Variants in UNC5D observed in about 807,000 individuals in gnomAD.
The protein encoded by UNC5D is netrin receptor UNC5D.
In UNC5D, 39 loss-of-function variants were observed where a neutral mutation model predicts 105.4. That is an observed-to-expected ratio of 0.37 (90% CI 0.29 to 0.48). The LOEUF (loss-of-function observed/expected upper bound fraction) is 0.48, where lower values mean the gene tolerates loss of function less well. Ranked by LOEUF, UNC5D falls within the 20% of genes least tolerant of loss-of-function variation. The pLI, the probability that UNC5D is intolerant of heterozygous loss-of-function variation, is 0.98. For synonymous variants in UNC5D, 452 were observed against 450.4 expected, an observed-to-expected ratio of 1.00 and a Z score of -0.04; for missense variants, 991 against 1,202.4, an observed-to-expected ratio of 0.82 and a Z score of 2.60.
intron 1 of UNC5D, among the ~76,000 whole-genome samples, chr8:35,368,753 C>T (rs1030750422): frequency 7.9e-5 from 12 of 152,114 alleles, no homozygotes; most frequent in African/African-American, 2.6e-4. Flanking sequence ...GAAGAGGTCA[C>T]GTGGGTGGTA....
chr8:35,639,108 A>T (rs751724749), intron 4 of UNC5D, among the ~76,000 whole-genome samples: 10 of 152,206 alleles, frequency 6.6e-5, no homozygotes, highest in Non-Finnish European at 1.3e-4. Flanking sequence ...TTGTTCGGAT[A>T]TGATTGGATT....
chr8:35,466,357 CT>C (rs1003330444), intron 1 of UNC5D, among the ~76,000 whole-genome samples: 3 of 152,036 alleles, frequency 2.0e-5, no homozygotes, highest in Admixed American at 6.5e-5. Flanking sequence ...CACTTTTTTT[CT>C]TATTAGATAC....
intron 1 of UNC5D, among the ~76,000 whole-genome samples, chr8:35,528,588 T>C: frequency 2.1e-5 from 3 of 145,598 alleles, no homozygotes; most frequent in Admixed American, 7.0e-5. Flanking sequence ...GGTCAAATGG[T>C]ATTTCTAGTT....
intron 1 of UNC5D, among the ~76,000 whole-genome samples, chr8:35,417,635 A>G (rs1246146761): frequency 9.2e-5 from 14 of 152,126 alleles, no homozygotes; most frequent in Non-Finnish European, 1.9e-4. Flanking sequence ...TTTTTTAATG[A>G]CACAAGTCTA....
At chr8:35,339,410 G>A (rs903440622) in intron 1 of UNC5D, among the ~76,000 whole-genome samples, 1 of 152,108 alleles carries the variant, frequency 6.6e-6, no homozygotes, top group Admixed American at 6.5e-5. Flanking sequence ...AAATGTAGTG[G>A]GACTCATTTA....
At chr8:35,330,877 A>G (rs1810571181) in intron 1 of UNC5D, among the ~76,000 whole-genome samples, 1 of 152,178 alleles carries the variant, frequency 6.6e-6, no homozygotes, top group African/African-American at 2.4e-5. Context: ...GGGTTTAAAA[A>G]TGATTGTATA....
At chr8:35,318,962 T>G (rs1234500884) in intron 1 of UNC5D, among the ~76,000 whole-genome samples, 1 of 152,136 alleles carries the variant, frequency 6.6e-6, no homozygotes, top group Non-Finnish European at 1.5e-5. Context: ...TCTGTCTGAA[T>G]GCATAAAATC....
chr8:35,370,061 G>A (rs973982955), intron 1 of UNC5D, among the ~76,000 whole-genome samples: 19 of 152,216 alleles, frequency 1.2e-4, no homozygotes, highest in African/African-American at 4.6e-4. Context: ...GTTGGTGATA[G>A]ACTTTTTATG....
At chr8:35,670,518 C>T (rs1394318603) in intron 4 of UNC5D, among the ~76,000 whole-genome samples, 1 of 152,104 alleles carries the variant, frequency 6.6e-6, no homozygotes, top group Non-Finnish European at 1.5e-5. Flanking sequence ...CCATGCAATG[C>T]CATGCAGCCA....
At chr8:35,611,875 A>C (rs1054691310) in intron 4 of UNC5D, among the ~76,000 whole-genome samples, 4 of 152,244 alleles carry the variant, frequency 2.6e-5, no homozygotes, top group African/African-American at 9.6e-5. Context: ...AATTATGTCC[A>C]ATGAAAATCC....
intron 1 of UNC5D, among the ~76,000 whole-genome samples, chr8:35,244,863 A>G (rs1360885706): frequency 6.6e-6 from 1 of 151,126 alleles, no homozygotes; most frequent in East Asian, 1.9e-4. Context: ...TTTTTTTTTT[A>G]AAGTTAGCTG....
chr8:35,539,520 A>C (rs1171493982), intron 1 of UNC5D, among the ~76,000 whole-genome samples: 1 of 152,186 alleles, frequency 6.6e-6, no homozygotes, highest in East Asian at 1.9e-4. Context: ...TGATGAAAAA[A>C]TGCTGTTCTG....
intron 1 of UNC5D, among the ~76,000 whole-genome samples, chr8:35,404,887 G>A (rs1040637083): frequency 1.3e-5 from 2 of 152,084 alleles, no homozygotes; most frequent in East Asian, 3.9e-4. Flanking sequence ...ACCGCGCCTG[G>A]GTCCCATGTG....
At chr8:35,463,416 G>C (rs1032751982) in intron 1 of UNC5D, among the ~76,000 whole-genome samples, 1 of 152,152 alleles carries the variant, frequency 6.6e-6, no homozygotes, top group Non-Finnish European at 1.5e-5. Flanking sequence ...GGCAGTACCT[G>C]CCAAGGTTTT....
At chr8:35,302,207 T>C (rs1563294432) in intron 1 of UNC5D, among the ~76,000 whole-genome samples, 1 of 152,190 alleles carries the variant, frequency 6.6e-6, no homozygotes, top group Non-Finnish European at 1.5e-5. Context: ...TGCCAGTGAC[T>C]TTGAAGGAAT....
chr8:35,701,036 A>ATGAT (rs1245118893), intron 7 of UNC5D, among the ~76,000 whole-genome samples: 1 of 152,218 alleles, frequency 6.6e-6, no homozygotes, highest in East Asian at 1.9e-4. Flanking sequence ...TTCAAAGCAT[A>ATGAT]TGATTTATGA....
At chr8:35,603,155 T>A (rs1470732007) in intron 4 of UNC5D, among the ~76,000 whole-genome samples, 1 of 152,154 alleles carries the variant, frequency 6.6e-6, no homozygotes, top group Non-Finnish European at 1.5e-5. Flanking sequence ...CAATTTTAGA[T>A]CTTTCCTGCT....
At chr8:35,546,038 G>A (rs899575192) in intron 1 of UNC5D, among the ~76,000 whole-genome samples, 5 of 152,030 alleles carry the variant, frequency 3.3e-5, no homozygotes, top group African/African-American at 1.2e-4. Flanking sequence ...GGGACTACAC[G>A]CATGCATCCA....
At position 35,472,270 on chromosome 8, in the gene UNC5D, A is replaced by G. The variant is rs143376568; in HGVS notation, c.104-77022A>G. On this transcript the variant is annotated intron_variant, in intron 1 of 16. Coordinates refer to ENST00000404895, the MANE Select transcript of UNC5D (RefSeq NM_080872.4). ...CATAGGTGGGGAACCTCTACTCACA[A>G]GAGGAGAAGGTTTGGTGAGCATCAG... Among the ~76,000 whole-genome samples the G allele has an allele frequency of 4.6e-4, 70 of 152,226 alleles. 1 individual carries two copies. The highest frequency in any genetic ancestry group is 6.8e-3 in the Middle Eastern group (2 of 294).
Sources: allele counts gnomAD v4.1 joint callset (sites outside exome capture counted in the v4.1 genomes callset), GRCh38; gene constraint gnomAD v4.1.1; transcripts MANE v1.5; gene names NCBI Gene and HGNC (gene_info 2026-07-23, HGNC 2026-07-21).